NRG3: variants seen among roughly 807,000 people sequenced by gnomAD.
The protein encoded by NRG3 is pro-neuregulin-3, membrane-bound isoform.
In NRG3, 31 loss-of-function variants were observed where a neutral mutation model predicts 66.9. The observed-to-expected ratio is 0.46, with a 90% CI of 0.35 to 0.63. The LOEUF is 0.63. NRG3 is among the 20% of genes least tolerant of loss of function. The pLI is 0.00. For synonymous variants in NRG3, 393 were observed against 359.4 expected (o/e 1.09, Z -1.06); for missense variants, 910 against 878.9 (o/e 1.04, Z -0.45).
chr10:82,277,776 A>G (rs1247682722), intron 1 of NRG3, among the ~76,000 whole-genome samples: 2 of 152,114 alleles, frequency 1.3e-5, no homozygotes, highest in African/African-American at 2.4e-5. Context: ...TGCAATGTTT[A>G]TGCTTTAGCT....
At chr10:82,667,732 G>T (rs888495702) in intron 2 of NRG3, among the ~76,000 whole-genome samples, 3 of 152,120 alleles carry the variant, frequency 2.0e-5, no homozygotes, top group African/African-American at 7.2e-5. Flanking sequence ...ACAGTTACTT[G>T]GACCTTGGGA....
At chr10:81,953,270 TG>T (rs1490712078) in intron 1 of NRG3, among the ~76,000 whole-genome samples, 1 of 152,182 alleles carries the variant, frequency 6.6e-6, no homozygotes, top group African/African-American at 2.4e-5. Flanking sequence ...CCCCATCCTT[TG>T]CTTGGGATGA....
intron 4 of NRG3, among the ~76,000 whole-genome samples, chr10:82,868,631 G>T (rs1840995145): frequency 6.6e-6 from 1 of 152,144 alleles, no homozygotes; most frequent in African/African-American, 2.4e-5. Context: ...CCCACAGATT[G>T]TTCTAATTGA....
intron 4 of NRG3, among the ~76,000 whole-genome samples, chr10:82,888,876 G>C (rs1842925261): frequency 6.6e-6 from 1 of 152,064 alleles, no homozygotes; most frequent in Non-Finnish European, 1.5e-5. Flanking sequence ...TTGAAGTTAA[G>C]GAACAAGCTC....
intron 1 of NRG3, among the ~76,000 whole-genome samples, chr10:82,332,451 T>A (rs1318882720): frequency 6.6e-6 from 1 of 152,032 alleles, no homozygotes; most frequent in Non-Finnish European, 1.5e-5. Context: ...AACTAACACA[T>A]CTAGAAGGGA....
chr10:82,569,929 G>C (rs2045629876), intron 2 of NRG3, among the ~76,000 whole-genome samples: 1 of 151,538 alleles, frequency 6.6e-6, no homozygotes, highest in Non-Finnish European at 1.5e-5. Context: ...CATAAGTCTT[G>C]CAATTTTCCA....
At chr10:82,225,188 G>A (rs569185416) in intron 1 of NRG3, among the ~76,000 whole-genome samples, 193 of 152,198 alleles carry the variant, frequency 1.3e-3, no homozygotes, top group Non-Finnish European at 2.2e-3. Flanking sequence ...GGAAATAGAA[G>A]ACAAAAGAGA....
At chr10:82,574,794 A>G (rs2045939340) in intron 2 of NRG3, among the ~76,000 whole-genome samples, 1 of 151,830 alleles carries the variant, frequency 6.6e-6, no homozygotes, top group South Asian at 2.1e-4. Context: ...AGCATGTTTT[A>G]CTTAAACATT....
intron 2 of NRG3, among the ~76,000 whole-genome samples, chr10:82,597,907 G>A (rs2047382910): frequency 7.3e-6 from 1 of 136,700 alleles, no homozygotes; most frequent in Non-Finnish European, 1.5e-5. Flanking sequence ...GTGACAGGGC[G>A]AGACTCCCTC....
chr10:82,934,981 A>G (rs996119417), intron 4 of NRG3, among the ~76,000 whole-genome samples: 1 of 152,148 alleles, frequency 6.6e-6, no homozygotes, highest in Non-Finnish European at 1.5e-5. Context: ...TAAACACTTC[A>G]TGCCTTACTC....
intron 2 of NRG3, among the ~76,000 whole-genome samples, chr10:82,365,609 CACTT>C (rs1341651574): frequency 6.6e-6 from 1 of 152,132 alleles, no homozygotes; most frequent in Non-Finnish European, 1.5e-5. Context: ...AATTCCATGA[CACTT>C]AAGCAGTGGT....
chr10:82,118,109 T>C (rs2067842397), intron 1 of NRG3, among the ~76,000 whole-genome samples: 1 of 152,026 alleles, frequency 6.6e-6, no homozygotes, highest in African/African-American at 2.4e-5. Context: ...CTCACTGTTA[T>C]TGTCTTGGGA....
At chr10:82,424,664 C>A (rs1475137808) in intron 2 of NRG3, among the ~76,000 whole-genome samples, 2 of 151,946 alleles carry the variant, frequency 1.3e-5, no homozygotes, top group South Asian at 2.1e-4. Context: ...TTACACATTT[C>A]TTTTTTATTG....
intron 1 of NRG3, among the ~76,000 whole-genome samples, chr10:82,349,645 C>A (rs970731991): frequency 6.6e-6 from 1 of 151,848 alleles, no homozygotes; most frequent in East Asian, 2.0e-4. Flanking sequence ...TGGGCAATGG[C>A]GGGCGCCCCT....
intron 4 of NRG3, among the ~76,000 whole-genome samples, chr10:82,918,417 A>C (rs533685285): frequency 6.6e-6 from 1 of 152,310 alleles, no homozygotes; most frequent in South Asian, 2.1e-4. Flanking sequence ...CACAAACCAC[A>C]AGGTTATTTT....
intron 2 of NRG3, among the ~76,000 whole-genome samples, chr10:82,481,834 A>T (rs1842295481): frequency 6.6e-6 from 1 of 152,124 alleles, no homozygotes; most frequent in Non-Finnish European, 1.5e-5. Context: ...AAAACACAAA[A>T]AAGTGAGCCA....
At chr10:82,343,492 A>T (rs1470060130) in intron 1 of NRG3, among the ~76,000 whole-genome samples, 1 of 152,106 alleles carries the variant, frequency 6.6e-6, no homozygotes, top group Non-Finnish European at 1.5e-5. Context: ...CATATTCAAC[A>T]CCATTTGATT....
chr10:82,603,572 T>C (rs948580322), intron 2 of NRG3, among the ~76,000 whole-genome samples: 2 of 152,164 alleles, frequency 1.3e-5, no homozygotes, highest in Non-Finnish European at 2.9e-5. Flanking sequence ...TTCCTTTTAC[T>C]TATGACCACC....
chr10:82,150,132 G>A (rs1427816702), intron 1 of NRG3, among the ~76,000 whole-genome samples: 1 of 152,072 alleles, frequency 6.6e-6, no homozygotes, highest in Admixed American at 6.6e-5. Flanking sequence ...AGGATTAACA[G>A]GAGCCACCTC....
Sources: allele counts gnomAD v4.1 joint callset (sites outside exome capture counted in the v4.1 genomes callset), GRCh38; gene constraint gnomAD v4.1.1; transcripts MANE v1.5; gene names NCBI Gene and HGNC (gene_info 2026-07-23, HGNC 2026-07-21).